RPGRIP1: variants seen among roughly 807,000 people sequenced by gnomAD.
The protein encoded by RPGRIP1 is X-linked retinitis pigmentosa GTPase regulator-interacting protein 1.
RPGRIP1 carries 128 observed loss-of-function variants against 157.9 expected under a neutral mutation model. That is an observed-to-expected ratio of 0.81 (90% CI 0.70 to 0.94). The LOEUF is 0.94. RPGRIP1 is among the 40% of genes least tolerant of loss of function. The probability of loss-of-function intolerance (pLI) is 0.00; values close to 1 mark genes in which losing one functional copy is unlikely to be tolerated. For missense variants in RPGRIP1, 1,486 were observed against 1,545.8 expected, an observed-to-expected ratio of 0.96 and a Z score of 0.65; for synonymous variants, 554 against 571.6, an observed-to-expected ratio of 0.97 and a Z score of 0.44.
intron 5 of RPGRIP1, chr14:21,303,058 C>G: frequency 3.1e-6 from 1 of 319,734 alleles, no homozygotes; most frequent in Admixed American, 4.6e-5. Context: ...TTAGTGGACA[C>G]AGGGTTTCAC....
chr14:21,301,595 T>G (rs1341689163), intron 4 of RPGRIP1, among the ~76,000 whole-genome samples: 1 of 151,444 alleles, frequency 6.6e-6, no homozygotes, highest in African/African-American at 2.4e-5. Context: ...GAGAATCACT[T>G]GAACTCGGGA....
intron 24 of RPGRIP1, among the ~76,000 whole-genome samples, 189 bp from the exon 25 acceptor site, chr14:21,350,915 A>T (rs1185811512): frequency 6.6e-6 from 1 of 152,142 alleles, no homozygotes; most frequent in Non-Finnish European, 1.5e-5. Context: ...ATGTCCCCAA[A>T]GCAACTTGTG....
At chr14:21,325,499 C>T in intron 16 of RPGRIP1, 116 bp downstream of exon 16, 1 of 1,008,932 alleles carries the variant, frequency 9.9e-7, no homozygotes, top group Non-Finnish European at 1.4e-6. Context: ...AAAGAGAAAA[C>T]TGTCACACCA....
rs774569329 is a variant in RPGRIP1 at position 21,312,458 on chromosome 14, A to G, written c.1103A>G (p.Glu368Gly). 5.3e-5 allele frequency: 86 copies of G among 1,610,822 alleles called. No homozygotes were observed. Among genetic ancestry groups the G allele is most frequent in the Non-Finnish European group, 7.0e-5 (83 of 1,178,070 alleles). The change falls in exon 10 of 25, where the codon GAA becomes GGA. Residue 368 changes from glutamate to glycine, a missense_variant. Transcript: ENST00000400017. Reference sequence around the variant, plus strand: ...TTTCAGGAGAGAGTTGAAGATTTGGAAAAAGAACGAAAATTGCTGAATGAC... The same window carrying G: ...TTTCAGGAGAGAGTTGAAGATTTGGGAAAAGAACGAAAATTGCTGAATGAC... Reference protein sequence around the residue: ...KEFQERVEDLEKERKLLNDNY... With the variant: ...KEFQERVEDLGKERKLLNDNY...
In RPGRIP1 at chr14:21,321,343, G is replaced by A. The variant is rs759817551; in HGVS notation, c.1552G>A (p.Glu518Lys). The stretch of plus-strand genomic sequence containing the variant: ...AGTATCACACGCAGAGACCACATTG[G>A]AACTAGAAAAGACCAGGGACATGCT... ...LQVSHAETTL[E>K]LEKTRDMLIL... The change falls in exon 13 of 25, where the codon GAA (glutamate) becomes AAA (lysine). Residue 518 changes from glutamate (E) to lysine (K), a missense_variant. Physicochemically the swap from Glu to Lys is moderately conservative, Grantham distance 56 (BLOSUM62 1). Transcript: ENST00000400017. 10 of 1,613,880 alleles carry A rather than the reference G, an allele frequency of 6.2e-6. No individual in the cohort carries two copies. The highest frequency in any genetic ancestry group is 8.5e-6 in the Non-Finnish European group (10 of 1,179,842).
intron 1 of RPGRIP1, among the ~76,000 whole-genome samples, chr14:21,284,774 ACTC>A (rs1880243546): frequency 6.6e-6 from 1 of 151,772 alleles, no homozygotes; most frequent in South Asian, 2.1e-4. Flanking sequence ...CTGGTCTTGA[ACTC>A]CTGACCTCAG....
intron 20 of RPGRIP1, among the ~76,000 whole-genome samples, chr14:21,332,021 C>T (rs1166961419): frequency 2.7e-5 from 4 of 148,334 alleles, no homozygotes; most frequent in African/African-American, 9.9e-5. Context: ...TCACTGCAAT[C>T]TCTGCCTCCC....
chr14:21,309,181 A>ATTATTT (rs1881443989), intron 7 of RPGRIP1, among the ~76,000 whole-genome samples: 1 of 152,222 alleles, frequency 6.6e-6, no homozygotes, highest in African/African-American at 2.4e-5. Flanking sequence ...TCTGCCTAAA[A>ATTATTT]TTATTTTTAA....
chr14:21,341,974 C>T (rs1054481281), intron 21 of RPGRIP1, among the ~76,000 whole-genome samples: 2 of 151,004 alleles, frequency 1.3e-5, no homozygotes, highest in South Asian at 2.1e-4. Flanking sequence ...GGCGGGAACC[C>T]GGGAAGAAGA....
At chr14:21,290,235 G>A (rs954386705) in intron 2 of RPGRIP1, among the ~76,000 whole-genome samples, 1 of 152,092 alleles carries the variant, frequency 6.6e-6, no homozygotes, top group Non-Finnish European at 1.5e-5. Flanking sequence ...AACATTTTGA[G>A]GAACTGCCAG....
intron 23 of RPGRIP1, among the ~76,000 whole-genome samples, chr14:21,346,144 G>T (rs1885547302): frequency 6.6e-6 from 1 of 152,134 alleles, no homozygotes; most frequent in African/African-American, 2.4e-5. Flanking sequence ...ATAACTAAGT[G>T]AATTTTAGAT....
chr14:21,343,645 C>T (rs570160780), intron 22 of RPGRIP1, among the ~76,000 whole-genome samples: 15 of 151,962 alleles, frequency 9.9e-5, no homozygotes, highest in Non-Finnish European at 1.8e-4. Context: ...TGTGCGCCAC[C>T]GTGCCTGGCT....
chr14:21,312,026 A>G (rs1435898133), intron 9 of RPGRIP1, 56 bp downstream of exon 9: 14 of 1,494,014 alleles, frequency 9.4e-6, no homozygotes, highest in Non-Finnish European at 1.3e-5. Context: ...GGATGTTAGA[A>G]TGTGTATCTT....
At position 21,301,682 on chromosome 14, in the gene RPGRIP1, A is replaced by G. The variant is rs945447504; in HGVS notation, c.490+445A>G. On this transcript the variant is annotated intron_variant, in intron 4 of 24. Transcript: ENST00000400017. The stretch of plus-strand genomic sequence containing the variant: ...CAGAGCGAGACTCTGTCTCAAAATA[A>G]TAATAATAATAATAATAATAATAAT... Among the ~76,000 whole-genome samples the G allele has an allele frequency of 6.1e-5, 5 of 81,500 alleles. No individual in the cohort carries two copies. The South Asian group carries it at 2.0e-3, about 33-fold the overall frequency. 53.5% of individuals were successfully genotyped at this position (81,500 alleles called of 152,430 possible). A position where few individuals can be genotyped will look rare whatever the true frequency, so the allele number is the denominator to read the frequency against.
chr14:21,289,599 T>G (rs1232592696), intron 2 of RPGRIP1, among the ~76,000 whole-genome samples: 3 of 152,240 alleles, frequency 2.0e-5, no homozygotes, highest in African/African-American at 7.2e-5. Context: ...TTTTTGAGGA[T>G]AGGGCACTTT....
chr14:21,303,617 C>CT (rs1468130229), intron 6 of RPGRIP1, 74 bp downstream of exon 6: 4 of 1,129,298 alleles, frequency 3.5e-6, no homozygotes. Flanking sequence ...TATACCTTTC[C>CT]TCCATCTCAG....
At chr14:21,295,477 GAT>G (rs1491549193) in intron 3 of RPGRIP1, among the ~76,000 whole-genome samples, 89 of 89,850 alleles carry the variant, frequency 9.9e-4, no homozygotes, top group East Asian at 3.5e-3. Context: ...TTATTTTTGA[GAT>G]TTTTTTTTTT....
intron 10 of RPGRIP1, among the ~76,000 whole-genome samples, chr14:21,314,232 G>A (rs79979182): frequency 0.051 from 7,745 of 151,840 alleles, 627 homozygotes; most frequent in African/African-American, 0.17. Flanking sequence ...ACAGCCACAC[G>A]CCACCACACC....
At chr14:21,283,206 G>A (rs1880192585) in intron 1 of RPGRIP1, among the ~76,000 whole-genome samples, 1 of 152,172 alleles carries the variant, frequency 6.6e-6, no homozygotes, top group South Asian at 2.1e-4. Context: ...TTATGATGCA[G>A]TCACCTTTCC....
Sources: gnomAD v4.1 joint callset for allele counts (sites outside exome capture counted in the v4.1 genomes callset) on GRCh38, gnomAD v4.1.1 for gene constraint, MANE v1.5 for transcripts, NCBI Gene and HGNC (gene_info 2026-07-23, HGNC 2026-07-21) for gene names.